Variants in MCC observed in about 807,000 individuals in gnomAD.
The protein encoded by MCC is colorectal mutant cancer protein.
MCC carries 90 observed loss-of-function variants against 116.2 expected under a neutral mutation model. The ratio of observed to expected loss-of-function variants is 0.77; its 90% CI spans 0.65 to 0.92. MCC has a LOEUF of 0.92. Among genes scored for constraint, MCC ranks in the 40% least tolerant of loss-of-function variants. The pLI is 0.00. For missense variants in MCC, 1,516 were observed against 1,312.2 expected (o/e 1.16, Z -2.40); for synonymous variants, 578 against 510.5 (o/e 1.13, Z -1.78).
intron 3 of MCC, among the ~76,000 whole-genome samples, chr5:113,299,350 T>C (rs891246280): frequency 2.8e-5 from 3 of 108,822 alleles, no homozygotes; most frequent in Admixed American, 1.1e-4. Context: ...AAAAAAAGAG[T>C]AGGGCTTCTT....
At chr5:113,185,559 T>A (rs1178294792) in intron 3 of MCC, among the ~76,000 whole-genome samples, 2 of 152,158 alleles carry the variant, frequency 1.3e-5, no homozygotes, top group Non-Finnish European at 2.9e-5. Context: ...TACACAGATA[T>A]CAGCAAGAAC....
intron 8 of MCC, among the ~76,000 whole-genome samples, chr5:113,087,685 A>T (rs1348491616): frequency 6.6e-6 from 1 of 152,098 alleles, no homozygotes; most frequent in East Asian, 1.9e-4. Context: ...AACAATGTTA[A>T]CACCACTCCA....
chr5:113,171,797 G>C (rs1042599216), intron 3 of MCC, among the ~76,000 whole-genome samples: 1 of 152,078 alleles, frequency 6.6e-6, no homozygotes, highest in African/African-American at 2.4e-5. Context: ...GAGGTTTCTA[G>C]CTACGAAGAG....
At chr5:113,145,767 CA>C (rs1427978460) in intron 4 of MCC, among the ~76,000 whole-genome samples, 6,901 of 72,440 alleles carry the variant, frequency 0.095, 265 homozygotes, top group Admixed American at 0.18. Flanking sequence ...CACACACACA[CA>C]CACACACACA....
rs370568311 is a variant in MCC at position 113,480,412 on chromosome 5, T to C, written c.170+7833A>G. Among the ~76,000 whole-genome samples, 14 of 152,382 alleles carry C rather than the reference T, an allele frequency of 9.2e-5. No homozygotes were observed. In the South Asian group the frequency reaches 1.9e-3, roughly 20 times the overall value. On this transcript the variant is annotated intron_variant, in intron 1 of 18. Transcript: ENST00000408903. ...AACTTCTAAGATGCACAGTTTAACA[T>C]TGTGAAATCTGAATGTTTCTTAAAA...
intron 1 of MCC, among the ~76,000 whole-genome samples, chr5:113,415,165 G>C (rs1770107711): frequency 6.6e-6 from 1 of 152,112 alleles, no homozygotes; most frequent in South Asian, 2.1e-4. Flanking sequence ...TCCCTTTGTG[G>C]GTAACCCGAC....
chr5:113,206,820 T>C (rs1762932684), intron 3 of MCC, among the ~76,000 whole-genome samples: 1 of 152,256 alleles, frequency 6.6e-6, no homozygotes, highest in Non-Finnish European at 1.5e-5. Context: ...TCCTTCGTAA[T>C]ATTTGTATAA....
At chr5:113,271,150 A>G (rs996066133) in intron 3 of MCC, among the ~76,000 whole-genome samples, 7 of 152,218 alleles carry the variant, frequency 4.6e-5, no homozygotes, top group Admixed American at 1.3e-4. Context: ...CTTTGTTTAC[A>G]TTTCTAAGCA....
intron 3 of MCC, among the ~76,000 whole-genome samples, chr5:113,164,205 C>T (rs1176334113): frequency 6.6e-6 from 1 of 152,184 alleles, no homozygotes; most frequent in African/African-American, 2.4e-5. Flanking sequence ...ACAGTGCTGC[C>T]TGCAGGTGGT....
At chr5:113,062,814 G>C (rs73778909) in intron 14 of MCC, among the ~76,000 whole-genome samples, 5,103 of 152,354 alleles carry the variant, frequency 0.033, 283 homozygotes, top group African/African-American at 0.12. Flanking sequence ...TGGGCCAGTA[G>C]AGGTAAATGG....
At position 113,154,014 on chromosome 5, in the gene MCC, A is replaced by G. The variant is rs377726813; in HGVS notation, c.628-2592T>C. Among the ~76,000 whole-genome samples, 10 of 152,356 alleles carry G rather than the reference A, an allele frequency of 6.6e-5. No homozygotes were observed. The South Asian group carries it at 1.9e-3, about 28-fold the overall frequency. On this transcript the variant is annotated intron_variant, in intron 3 of 18. Transcript: ENST00000408903. Reference sequence around the variant, plus strand: ...CTTGGATGAAAATTTTACTTAACATATCTTCTCTGATTATAAAAGTAATAA... The same window carrying G: ...CTTGGATGAAAATTTTACTTAACATGTCTTCTCTGATTATAAAAGTAATAA...
chr5:113,096,973 G>A (rs1458953227), intron 8 of MCC, among the ~76,000 whole-genome samples: 1 of 152,178 alleles, frequency 6.6e-6, no homozygotes, highest in Non-Finnish European at 1.5e-5. Flanking sequence ...GGGGAGAGCT[G>A]AGAGGAGCGG....
chr5:113,091,843 A>G (rs1302231598), intron 8 of MCC, among the ~76,000 whole-genome samples: 1 of 152,002 alleles, frequency 6.6e-6, no homozygotes, highest in Non-Finnish European at 1.5e-5. Context: ...TAGGAGGATC[A>G]CACCACTGGA....
chr5:113,100,759 C>T (rs866843594), intron 8 of MCC, among the ~76,000 whole-genome samples: 2 of 152,222 alleles, frequency 1.3e-5, no homozygotes, highest in African/African-American at 2.4e-5. Context: ...GCGTGAGCCA[C>T]TGTGCCTGGC....
At chr5:113,465,095 AT>A (rs1554085849) in intron 1 of MCC, among the ~76,000 whole-genome samples, 87 of 146,730 alleles carry the variant, frequency 5.9e-4, no homozygotes, top group Middle Eastern at 3.5e-3. Flanking sequence ...AATAGCCAAG[AT>A]TTTTTTTTTT....
At chr5:113,402,617 G>T (rs1346821566) in intron 1 of MCC, among the ~76,000 whole-genome samples, 1 of 152,168 alleles carries the variant, frequency 6.6e-6, no homozygotes, top group African/African-American at 2.4e-5. Context: ...TTTTTTAAGG[G>T]TTAAAAAATG....
chr5:113,109,475 G>T (rs1399980108), intron 6 of MCC, among the ~76,000 whole-genome samples: 1 of 152,072 alleles, frequency 6.6e-6, no homozygotes, highest in Non-Finnish European at 1.5e-5. Flanking sequence ...AGGAGATAAA[G>T]TTTACCGGGG....
intron 3 of MCC, among the ~76,000 whole-genome samples, chr5:113,284,566 A>G (rs1766173583): frequency 6.6e-6 from 1 of 152,240 alleles, no homozygotes; most frequent in Non-Finnish European, 1.5e-5. Flanking sequence ...TGGGAATTAG[A>G]AAAATAAAAT....
chr5:113,279,733 T>A (rs1034396359), intron 3 of MCC, among the ~76,000 whole-genome samples: 1 of 152,228 alleles, frequency 6.6e-6, no homozygotes, highest in East Asian at 1.9e-4. Flanking sequence ...TTTAGAATAA[T>A]CAGAGTATCA....
Sources: allele counts gnomAD v4.1 joint callset (sites outside exome capture counted in the v4.1 genomes callset), GRCh38; gene constraint gnomAD v4.1.1; transcripts MANE v1.5; gene names NCBI Gene and HGNC (gene_info 2026-07-23, HGNC 2026-07-21).